The following HECTD4 variants were observed in gnomAD, a reference collection of about 807,000 sequenced individuals.
HECTD4 encodes probable E3 ubiquitin-protein ligase HECTD4.
HECTD4 carries 114 observed loss-of-function variants against 471.5 expected under a neutral mutation model. The observed-to-expected ratio is 0.24, with a 90% CI of 0.21 to 0.28. The LOEUF (loss-of-function observed/expected upper bound fraction) is 0.28. Ranked by LOEUF, HECTD4 falls within the 10% of genes least tolerant of loss-of-function variation. The pLI is 1.00. For missense variants in HECTD4, 3,866 were observed against 5,651.5 expected (o/e 0.68, Z 10.13); for synonymous variants, 2,012 against 2,256.0 (o/e 0.89, Z 3.07).
chr12:112,216,468 T>C (rs2032920532), intron 47 of HECTD4, 97 bp from the exon 48 acceptor site: 4 of 831,980 alleles, frequency 4.8e-6, no homozygotes, highest in East Asian at 2.7e-5. Context: ...GGGGGGGTGG[T>C]CAGCATTGTG....
intron 1 of HECTD4, among the ~76,000 whole-genome samples, chr12:112,353,370 C>T (rs777422615): frequency 6.6e-6 from 1 of 152,192 alleles, no homozygotes; most frequent in Non-Finnish European, 1.5e-5. Flanking sequence ...AGAGAAAAGG[C>T]TCTAAAATTA....
At chr12:112,266,609 T>C (rs1181117321) in intron 14 of HECTD4, among the ~76,000 whole-genome samples, 1 of 152,156 alleles carries the variant, frequency 6.6e-6, no homozygotes, top group Non-Finnish European at 1.5e-5. Flanking sequence ...GACTCCTGAG[T>C]AGCTTGGATG....
Position 112,204,643 on chromosome 12 carries a change from A to G in HECTD4, c.8132-20T>C. ...CCATACCTAAAAAATATAACAGCAC[A>G]GGGTAACTCCCCAAAGAGTACACAC... On this transcript the variant is annotated intron_variant, in intron 52 of 75. Coordinates refer to ENST00000682272, the MANE Select transcript of HECTD4 (RefSeq NM_001388303.1). The G allele has an allele frequency of 6.2e-7, 1 of 1,602,460 alleles. No individual in the cohort carries two copies. Among genetic ancestry groups the G allele is most frequent in the Non-Finnish European group, 8.5e-7 (1 of 1,171,792 alleles).
intron 60 of HECTD4, among the ~76,000 whole-genome samples, chr12:112,186,383 G>A (rs2137030677): frequency 6.9e-6 from 1 of 144,198 alleles, no homozygotes; most frequent in African/African-American, 2.6e-5. Flanking sequence ...TGGTACCCAG[G>A]CTGGAGTGCA....
intron 9 of HECTD4, 106 bp from the exon 10 acceptor site, chr12:112,275,066 T>C (rs1388196957): frequency 1.5e-6 from 1 of 664,190 alleles, no homozygotes; most frequent in Non-Finnish European, 2.6e-6. Flanking sequence ...CCTTTTCTTG[T>C]TGTTGTGTAT....
rs966997478 is a variant in HECTD4, at chr12:112,381,846, G to A, written c.177+106C>T. 1.2e-6 allele frequency: 1 copy of A among 817,724 alleles called. No individual in the cohort carries two copies. The highest frequency in any genetic ancestry group is 3.7e-5 in the East Asian group (1 of 27,186). 50.7% of individuals were successfully genotyped at this position (817,724 alleles called of 1,614,324 possible). A position where few individuals can be genotyped will look rare whatever the true frequency, so the allele number is the denominator to read the frequency against. ...GCGCCCACACACACCTGCCCCGGCA[G>A]CCGCCGGGAGGCGAGGCCGCGGCTG... On this transcript the variant is annotated intron_variant, in intron 1 of 75. Coordinates refer to ENST00000682272, the MANE Select transcript of HECTD4 (RefSeq NM_001388303.1). This position sits in a 1 kb window ranked among gnomAD's most constrained non-coding sequence, Gnocchi z 4.1.
At chr12:112,247,365 CA>C in intron 28 of HECTD4, 96 bp downstream of exon 28, 1 of 727,414 alleles carries the variant, frequency 1.4e-6, no homozygotes, top group Non-Finnish European at 2.2e-6. Flanking sequence ...AGTAAATTCA[CA>C]ACATTTAAAA....
intron 1 of HECTD4, among the ~76,000 whole-genome samples, chr12:112,375,992 C>T (rs1594086676): frequency 6.6e-6 from 1 of 151,868 alleles, no homozygotes; most frequent in Middle Eastern, 3.4e-3. Flanking sequence ...AGGAGAATCC[C>T]TTGAACCTGA....
rs756431159 is a variant in HECTD4 at position 112,185,291 on chromosome 12, C to T, written c.9675G>A (p.Glu3225=). 21 of 1,556,292 alleles carry T rather than the reference C, an allele frequency of 1.3e-5. No individual in the cohort carries two copies. In the South Asian group the frequency reaches 2.5e-4, roughly 18 times the overall value. The change falls in exon 61 of 76, where the codon GAG becomes GAA. Residue 3225 remains glutamate (E), a synonymous_variant. Coordinates refer to ENST00000682272, the MANE Select transcript of HECTD4 (RefSeq NM_001388303.1). ...LQSELHKLYD[E]ETQNWVSGGA... is the part of the protein sequence containing the mutation. Reference sequence around the variant, plus strand: ...CGCCTGAGACCCAGTTCTGCGTCTCCTCGTCGTACAGCTTGTGGAGCTCCG... The same window carrying T: ...CGCCTGAGACCCAGTTCTGCGTCTCTTCGTCGTACAGCTTGTGGAGCTCCG...
chr12:112,270,503 G>A, intron 11 of HECTD4, 44 bp from the exon 12 acceptor site: 2 of 1,493,546 alleles, frequency 1.3e-6, no homozygotes, highest in Non-Finnish European at 1.9e-6. Flanking sequence ...ACATCTCTAT[G>A]GGTGGTCCCC....
intron 1 of HECTD4, among the ~76,000 whole-genome samples, chr12:112,352,128 CAG>C (rs775427598): frequency 1.5e-4 from 23 of 152,138 alleles, no homozygotes; most frequent in Non-Finnish European, 2.8e-4. Context: ...TTTTTTGAGA[CAG>C]GGTATGCTCT....
chr12:112,192,297 C>T (rs2032106372), intron 59 of HECTD4, among the ~76,000 whole-genome samples: 1 of 152,218 alleles, frequency 6.6e-6, no homozygotes, highest in African/African-American at 2.4e-5. Flanking sequence ...AGACACATCT[C>T]AGCACATACT....
At position 112,226,668 on chromosome 12, in the gene HECTD4, G is replaced by A; in HGVS notation, c.6945C>T (p.Asn2315=). The part of the protein sequence containing the change: ...QQCPAAVEVL[N]LVAQECSAGE... ...CAGCACTACATTCCTGGGCTACTAG[G>A]TTAAGAACTTCAACAGCTGCTGGAC... Residue 2315 remains asparagine, a synonymous_variant, in exon 44 of 76, where the codon AAC becomes AAT. Coordinates refer to ENST00000682272, the MANE Select transcript of HECTD4 (RefSeq NM_001388303.1). 1.2e-6 allele frequency: 2 copies of A among 1,612,306 alleles called. No homozygotes were observed. Among genetic ancestry groups the A allele is most frequent in the Admixed American group, 1.7e-5 (1 of 59,986 alleles).
Position 112,243,283 on chromosome 12 carries a change from C to T in HECTD4, c.4958+70G>A, listed in dbSNP as rs2033682701. The T allele has an allele frequency of 1.4e-6, 2 of 1,381,956 alleles. No individual in the cohort carries two copies. Among genetic ancestry groups the T allele is most frequent in the African/African-American group, 1.4e-5 (1 of 69,102 alleles). The allele number at this position is 1,381,956 out of a possible 1,614,324, so 85.6% of individuals were successfully genotyped here. ...AAATACTACCGCCTATGTTTGGGTC[C>T]CAAGAATAATCTTTTGAATGGCTCT... On this transcript the variant is annotated intron_variant, in intron 32 of 75. Coordinates refer to ENST00000682272, the MANE Select transcript of HECTD4 (RefSeq NM_001388303.1). The surrounding 1 kb of genome is among the most constrained non-coding windows in gnomAD (Gnocchi z 6.6).
At chr12:112,185,930 CTT>C (rs2031845295) in intron 60 of HECTD4, among the ~76,000 whole-genome samples, 1 of 152,234 alleles carries the variant, frequency 6.6e-6, no homozygotes. Flanking sequence ...TTAAACTCCT[CTT>C]TTAGTCCTGA....
At position 112,319,607 on chromosome 12, in the gene HECTD4, G is replaced by A. The variant is rs2035546532; in HGVS notation, c.313C>T (p.Arg105Cys). Residue 105 changes from arginine (R) to cysteine (C), a missense_variant, in exon 2 of 76, where the codon CGC becomes TGC. Around this residue, in one of 16 missense-constraint regions of HECTD4, gnomAD observed 440 missense variants for 636.0 expected, o/e 0.69. Coordinates refer to ENST00000682272, the MANE Select transcript of HECTD4 (RefSeq NM_001388303.1). This position sits in a 1 kb window ranked among gnomAD's most constrained non-coding sequence, Gnocchi z 5.3. ...NALRGLWNAQ[R>C]QLALEEQHER... ...TGCTGTTCTTCTAAGGCCAGCTGGC[G>A]CTGGGCATTCCACAGTCCTCGCAAG... The A allele has an allele frequency of 2.8e-6, 4 of 1,421,276 alleles. No individual in the cohort carries two copies. The highest frequency in any genetic ancestry group is 3.2e-5 in the South Asian group (2 of 63,274). 88.0% of individuals were successfully genotyped at this position (1,421,276 alleles called of 1,614,324 possible). A position where few individuals can be genotyped will look rare whatever the true frequency, so the allele number is the denominator to read the frequency against.
chr12:112,362,433 T>C (rs2036466723), intron 1 of HECTD4, among the ~76,000 whole-genome samples: 1 of 152,146 alleles, frequency 6.6e-6, no homozygotes, highest in African/African-American at 2.4e-5. Flanking sequence ...AAGGGCTCTG[T>C]GGAAGCCAAC....
rs775145453 is a variant in HECTD4 at position 112,258,547 on chromosome 12, C to A, written c.3077G>T (p.Cys1026Phe). Residue 1026 changes from cysteine to phenylalanine, a missense_variant, in exon 20 of 76, where the codon TGT (cysteine) becomes TTT (phenylalanine). Cys to Phe is a radical substitution (Grantham distance 205). Coordinates refer to ENST00000682272, the MANE Select transcript of HECTD4 (RefSeq NM_001388303.1). ...TQCPVFAEVGCSPCGAPDQKC... is the reference protein window; with the variant it reads ...TQCPVFAEVGFSPCGAPDQKC... Reference sequence around the variant, plus strand: ...CTGGTCTGGTGCACCACACGGGGAACAGCCCACCTCAGCAAAAACCGGACA... The same window carrying A: ...CTGGTCTGGTGCACCACACGGGGAAAAGCCCACCTCAGCAAAAACCGGACA... The A allele has an allele frequency of 8.1e-6, 13 of 1,606,024 alleles. No homozygotes were observed. The highest frequency in any genetic ancestry group is 1.1e-5 in the Non-Finnish European group (13 of 1,176,850).
chr12:112,371,716 G>A (rs900063380), intron 1 of HECTD4, among the ~76,000 whole-genome samples: 2 of 151,670 alleles, frequency 1.3e-5, no homozygotes, highest in African/African-American at 2.4e-5. Context: ...GAGAAACCCC[G>A]TCTCTACTAA....
Sources: allele counts gnomAD v4.1 joint callset (sites outside exome capture counted in the v4.1 genomes callset), GRCh38; gene constraint gnomAD v4.1.1; regional missense constraint gnomAD v4.1.1; non-coding constraint Gnocchi (gnomAD v3.1); transcripts MANE v1.5; gene names NCBI Gene and HGNC (gene_info 2026-07-23, HGNC 2026-07-21).